UNC45A: variants seen among roughly 807,000 people sequenced by gnomAD.
UNC45A encodes the protein unc-45 myosin chaperone A, also known as protein unc-45 homolog A.
In UNC45A, 78 loss-of-function variants were observed where a neutral mutation model predicts 103.2. The ratio of observed to expected loss-of-function variants is 0.76; its 90% confidence interval spans 0.63 to 0.91. The LOEUF is 0.91. Among genes scored for constraint, UNC45A ranks in the 40% least tolerant of loss-of-function variants. The probability of loss-of-function intolerance (pLI) is 0.00; values close to 1 mark genes in which losing one functional copy is unlikely to be tolerated. For missense variants in UNC45A, 1,193 were observed against 1,224.8 expected (o/e 0.97, Z 0.39); for synonymous variants, 495 against 504.6 (o/e 0.98, Z 0.25).
At chr15:90,949,492 G>C (rs770500365) in intron 14 of UNC45A, 49 bp downstream of exon 14, 1 of 1,608,300 alleles carries the variant, frequency 6.2e-7, no homozygotes, top group South Asian at 1.1e-5. Context: ...CTGAGCCTCA[G>C]GGCTGCAGAT....
chr15:90,950,397 T>A, intron 16 of UNC45A, 103 bp from the exon 17 acceptor site: 2 of 1,465,744 alleles, frequency 1.4e-6, no homozygotes, highest in Non-Finnish European at 1.9e-6. Context: ...GAGGACAGCC[T>A]GAGACAGCAG....
upstream of UNC45A, chr15:90,934,350 C>A (rs2035906333): frequency 2.5e-6 from 1 of 399,176 alleles, no homozygotes; most frequent in East Asian, 3.6e-5. Flanking sequence ...TCTGGTCCAC[C>A]ACCCTCACTT....
intron 6 of UNC45A, among the ~76,000 whole-genome samples, chr15:90,941,956 C>A: frequency 7.8e-6 from 1 of 127,674 alleles, no homozygotes; most frequent in Non-Finnish European, 1.6e-5. Context: ...AAGACTCCGT[C>A]TCAAAAAAAA....
chr15:90,943,481 C>G (rs915727688), intron 8 of UNC45A, among the ~76,000 whole-genome samples: 3 of 151,326 alleles, frequency 2.0e-5, no homozygotes, highest in Non-Finnish European at 2.9e-5. Context: ...AGCCACGTGT[C>G]TGCACTGAAG....
chr15:90,935,724 C>A lies in UNC45A; in HGVS notation c.213+19C>A. The A allele has an allele frequency of 6.5e-7, 1 of 1,541,212 alleles. No individual in the cohort carries two copies. Among genetic ancestry groups the A allele is most frequent in the Non-Finnish European group, 8.7e-7 (1 of 1,146,166 alleles). On this transcript the variant is annotated intron_variant, in intron 2 of 19. Transcript: ENST00000418476. ...CAAGCTGGTGAGGGAGCCTGGCGCT[C>A]TTCCCCTCGCCCGCCCGGGCCCCGG...
chr15:90,935,309 AGACAACCTCTCCGCGAT>A lies in UNC45A; in HGVS notation c.-12_5del. 2 of 1,599,828 alleles carry A rather than the reference AGACAACCTCTCCGCGAT, an allele frequency of 1.3e-6. No individual in the cohort carries two copies. The highest frequency in any genetic ancestry group is 1.7e-6 in the Non-Finnish European group (2 of 1,175,424). ...CAGAGACTGCGCCTGCGCGGGCACG[AGACAACCTCTCCGCGAT>A]GACTGTGAGTGGTCCAGGGACCCCC... is the stretch of plus-strand genomic sequence containing the variant. On this transcript the variant is annotated start_lost and 5_prime_UTR_variant, in exon 1 of 20. Transcript: ENST00000418476.
rs760455410 is a variant in UNC45A at position 90,945,019 on chromosome 15, T to G, written c.1155T>G (p.Asp385Glu). The change falls in exon 9 of 20, where the codon GAT becomes GAG. Residue 385 changes from aspartate (D) to glutamate (E), a missense_variant. Asp to Glu is a conservative substitution (Grantham distance 45). Transcript: ENST00000418476. ...LSKLFDDLKCDAERENFHRLC... is the reference protein window; with the variant it reads ...LSKLFDDLKCEAERENFHRLC... The stretch of plus-strand genomic sequence containing the variant: ...AGCTCTTTGATGACCTCAAGTGTGA[T>G]GCGGAGAGGGAGAATTTCCACAGAC... The G allele has an allele frequency of 6.2e-7, 1 of 1,613,014 alleles. No homozygotes were observed. Among genetic ancestry groups the G allele is most frequent in the African/African-American group, 1.3e-5 (1 of 74,914 alleles).
At chr15:90,937,696 C>T (rs995209631) in intron 4 of UNC45A, among the ~76,000 whole-genome samples, 3 of 152,094 alleles carry the variant, frequency 2.0e-5, no homozygotes, top group Non-Finnish European at 4.4e-5. Flanking sequence ...CTGTGTTGGC[C>T]AGGATGGTCT....
At chr15:90,941,342 C>T (rs2036280829) in intron 6 of UNC45A, among the ~76,000 whole-genome samples, 1 of 152,196 alleles carries the variant, frequency 6.6e-6, no homozygotes, top group South Asian at 2.1e-4. Flanking sequence ...GAAGTCCATG[C>T]CCCCAGCTCT....
At chr15:90,934,990 G>A (rs1379450899), upstream of UNC45A, 3 of 526,834 alleles carry the variant, frequency 5.7e-6, no homozygotes, top group African/African-American at 6.1e-5. Flanking sequence ...CCTACTGGTT[G>A]TGACCCTGAT....
chr15:90,952,240 ATT>A (rs1039651565), intron 17 of UNC45A: 1 of 152,258 alleles, frequency 6.6e-6, no homozygotes, highest in Non-Finnish European at 1.5e-5. Flanking sequence ...AGACTGGGTA[ATT>A]TATAAAGAAA....
At chr15:90,939,995 G>A (rs2036208440) in intron 5 of UNC45A, among the ~76,000 whole-genome samples, 172 bp downstream of exon 5, 1 of 152,208 alleles carries the variant, frequency 6.6e-6, no homozygotes, top group South Asian at 2.1e-4. Flanking sequence ...CAAGGAAAGA[G>A]AACCAGTGTT....
chr15:90,935,154 A>G (rs2035935667), upstream of UNC45A: 2 of 663,760 alleles, frequency 3.0e-6, no homozygotes, highest in Non-Finnish European at 5.2e-6. Context: ...CCTGCGATCC[A>G]GAGCCAAGCG....
chr15:90,936,932 C>A (rs1465044002), intron 4 of UNC45A, among the ~76,000 whole-genome samples: 2 of 152,176 alleles, frequency 1.3e-5, no homozygotes, highest in Non-Finnish European at 2.9e-5. Context: ...GAATGCCCAG[C>A]CATAGAGGAA....
intron 13 of UNC45A, 125 bp downstream of exon 13, chr15:90,948,919 C>T (rs1483137259): frequency 9.0e-5 from 109 of 1,210,380 alleles, no homozygotes; most frequent in Non-Finnish European, 1.1e-4. Context: ...CACTGTCTCC[C>T]AGGCTGGAGT....
At chr15:90,931,075 G>T, upstream of UNC45A, 1 of 593,586 alleles carries the variant, frequency 1.7e-6, no homozygotes, top group Non-Finnish European at 2.9e-6. Context: ...GAAATGGATG[G>T]GTACATCTGA....
chr15:90,942,807 G>A (rs747709823), intron 7 of UNC45A, 105 bp from the exon 8 acceptor site: 126 of 1,506,460 alleles, frequency 8.4e-5, no homozygotes, highest in South Asian at 1.8e-4. Flanking sequence ...AGCCTGGGAT[G>A]CGGATCCCCC....
upstream of UNC45A, chr15:90,932,333 A>C: frequency 1.2e-6 from 1 of 835,174 alleles, no homozygotes; most frequent in Non-Finnish European, 1.7e-6. Flanking sequence ...GCTTGGGACA[A>C]AACAGGTGCT....
Position 90,940,369 on chromosome 15 carries a change from A to G in UNC45A, c.583A>G (p.Asn195Asp), listed in dbSNP as rs767121269. 6.2e-7 allele frequency: 1 copy of G among 1,614,128 alleles called. No homozygotes were observed. The highest frequency in any genetic ancestry group is 2.2e-5 in the East Asian group (1 of 44,880). ...DAGAEKIFRSNGVQLLQRLLD... is the reference protein window; with the variant it reads ...DAGAEKIFRSDGVQLLQRLLD... ...TGGAGCGGAGAAGATCTTCCGGAGT[A>G]ATGGGGTTCAGCTCTTGCAACGTTT... Residue 195 changes from asparagine (N) to aspartate (D), a missense_variant, in exon 6 of 20, where the codon AAT becomes GAT. By Grantham distance (23) the Asn-to-Asp change is conservative (BLOSUM62 1). Coordinates refer to ENST00000418476, the MANE Select transcript of UNC45A (RefSeq NM_018671.5).
Sources: gnomAD v4.1 joint callset for allele counts (sites outside exome capture counted in the v4.1 genomes callset) on GRCh38, gnomAD v4.1.1 for gene constraint, MANE v1.5 for transcripts, NCBI Gene and HGNC (gene_info 2026-07-23, HGNC 2026-07-21) for gene names.